EEF2KMT: variants seen among roughly 807,000 people sequenced by gnomAD.
EEF2KMT encodes protein-lysine N-methyltransferase EEF2KMT.
In EEF2KMT, 30 loss-of-function variants were observed where a neutral mutation model predicts 35.1. The observed-to-expected ratio is 0.85, with a 90% CI of 0.64 to 1.16. EEF2KMT has a LOEUF of 1.16. EEF2KMT is among the 50% of genes most tolerant of loss of function. EEF2KMT has a pLI of 0.00. For synonymous variants in EEF2KMT, 190 were observed against 187.7 expected, an observed-to-expected ratio of 1.01 and a Z score of -0.10; for missense variants, 499 against 438.2, an observed-to-expected ratio of 1.14 and a Z score of -1.24.
rs191594257 is a variant in EEF2KMT, at chr16:5,090,698, C to G, written c.343-133G>C. ...CCACTCAGCAATGAGAAGCAGCTAA[C>G]TGTTGGCATGCCAACAGCTTTCACG... On this transcript the variant is annotated intron_variant, in intron 4 of 7. Transcript: ENST00000427587. The surrounding 1 kb of genome is among the most constrained non-coding windows in gnomAD (Gnocchi z 4.1). The G allele has an allele frequency of 2.4e-6, 3 of 1,260,830 alleles. No homozygotes were observed. Among genetic ancestry groups the G allele is most frequent in the Admixed American group, 2.3e-5 (1 of 43,960 alleles). 78.1% of individuals were successfully genotyped at this position (1,260,830 alleles called of 1,614,324 possible).
At chr16:5,092,921 C>T (rs765194830) in intron 3 of EEF2KMT, among the ~76,000 whole-genome samples, 13 of 152,012 alleles carry the variant, frequency 8.6e-5, no homozygotes, top group Non-Finnish European at 1.3e-4. Context: ...GATTGTGTCA[C>T]GGTAATCCAG....
chr16:5,086,878 G>C (rs8053862), intron 7 of EEF2KMT: 1 of 152,168 alleles, frequency 6.6e-6, no homozygotes. Flanking sequence ...TGTGGGCCAG[G>C]CTGGTCTTGA....
At position 5,090,118 on chromosome 16, in the gene EEF2KMT, G is replaced by A. The variant is rs1301363907; in HGVS notation, c.708C>T (p.Leu236=). ...LDWDVATVHQ[L]SAFQPDVVIA... Reference sequence around the variant, plus strand: ...TGACAACATCTGGCTGGAAGGCAGAGAGCTGATGGACCGTCGCGACGTCCC... The same window carrying A: ...TGACAACATCTGGCTGGAAGGCAGAAAGCTGATGGACCGTCGCGACGTCCC... Residue 236 remains leucine (L), a synonymous_variant, in exon 6 of 8, where the codon CTC becomes CTT. Coordinates refer to ENST00000427587, the MANE Select transcript of EEF2KMT (RefSeq NM_201400.4). The surrounding 1 kb of genome is among the most constrained non-coding windows in gnomAD (Gnocchi z 4.1). 1 of 1,608,666 alleles carries A rather than the reference G, an allele frequency of 6.2e-7. No homozygotes were observed. The highest frequency in any genetic ancestry group is 8.5e-7 in the Non-Finnish European group (1 of 1,179,844).
chr16:5,096,809 C>T (rs4047286), intron 1 of EEF2KMT, among the ~76,000 whole-genome samples: 8 of 152,344 alleles, frequency 5.3e-5, no homozygotes, highest in African/African-American at 1.7e-4. Flanking sequence ...TGAACAATTA[C>T]AGTCAATACT....
At chr16:5,089,497 A>T (rs1957294879) in intron 6 of EEF2KMT, 2 of 612,932 alleles carry the variant, frequency 3.3e-6, no homozygotes, top group East Asian at 5.9e-5. Flanking sequence ...GGTGTTCCTT[A>T]AAAAACCAGC....
At position 5,085,672 on chromosome 16, in the gene EEF2KMT, T is replaced by C; in HGVS notation, c.953A>G (p.Glu318Gly). 1 of 1,611,900 alleles carries C rather than the reference T, an allele frequency of 6.2e-7. No homozygotes were observed. Among genetic ancestry groups the C allele is most frequent in the South Asian group, 1.1e-5 (1 of 90,990 alleles). ...CAGCATTGCCATCTCCAAGTGCTCT[T>C]CGTAGGGAAACAGTTTCTGCTCATG... is the stretch of plus-strand genomic sequence containing the variant. ...PRHEQKLFPYEEHLEMAMLNL... is the reference protein window; with the variant it reads ...PRHEQKLFPYGEHLEMAMLNL... The change falls in exon 8 of 8, where the codon GAA becomes GGA. Residue 318 changes from glutamate to glycine, a missense_variant. Physicochemically the swap from Glu to Gly is moderately conservative, Grantham distance 98. Transcript: ENST00000427587.
chr16:5,092,274 C>G (rs115921973), intron 3 of EEF2KMT, among the ~76,000 whole-genome samples: 1 of 152,102 alleles, frequency 6.6e-6, no homozygotes, highest in African/African-American at 2.4e-5. Flanking sequence ...GCCAGGTGAC[C>G]ATGATAGAGA....
chr16:5,084,324 T>C lies in EEF2KMT; in HGVS notation c.*1308A>G, dbSNP rs533883103. 2.7e-4 allele frequency: 98 copies of C among 357,226 alleles called. No individual in the cohort carries two copies. The highest frequency in any genetic ancestry group is 4.5e-4 in the Admixed American group (11 of 24,332). The allele number at this position is 357,226 out of a possible 1,614,324, so 22.1% of individuals were successfully genotyped here. On this transcript the variant is annotated 3_prime_UTR_variant, in exon 8 of 8. Transcript: ENST00000427587. ...GTGGCTTTGTTCCAATAAAACTTTA[T>C]TTACAAACACAGGCTGTGGGCTGGA...
At chr16:5,086,887 G>C (rs1162873725) in intron 7 of EEF2KMT, 9 of 152,160 alleles carry the variant, frequency 5.9e-5, no homozygotes, top group Non-Finnish European at 1.3e-4. Context: ...GGCTGGTCTT[G>C]AACTCGACCT....
Position 5,084,861 on chromosome 16 carries a change from C to T in EEF2KMT, c.*771G>A, listed in dbSNP as rs910771093. 3.8e-6 allele frequency: 6 copies of T among 1,596,160 alleles called. No homozygotes were observed. In the African/African-American group the frequency reaches 8.0e-5, roughly 21 times the overall value. ...TGAGAGCTGGGTGCAGACTGTGCTC[C>T]CTTTGGTTATGGACACATAACTCCT... On this transcript the variant is annotated 3_prime_UTR_variant, in exon 8 of 8. Transcript: ENST00000427587.
At chr16:5,091,374 G>A (rs1199774122) in intron 4 of EEF2KMT, among the ~76,000 whole-genome samples, 13 of 151,986 alleles carry the variant, frequency 8.6e-5, no homozygotes, top group Non-Finnish European at 1.8e-4. Flanking sequence ...GAGCCACCAC[G>A]CCCGGCCTGA....
chr16:5,097,582 G>A, intron 1 of EEF2KMT, 62 bp downstream of exon 1: 3 of 1,527,360 alleles, frequency 2.0e-6, no homozygotes, highest in Non-Finnish European at 2.6e-6. Context: ...ACGGAGACCC[G>A]TCCCGTCTGC....
In EEF2KMT at chr16:5,093,459, T is replaced by A. The variant is rs774896043; in HGVS notation, c.240+25A>T. On this transcript the variant is annotated intron_variant, in intron 3 of 7. Transcript: ENST00000427587. Reference sequence around the variant, plus strand: ...GCAGGTGGCTATGCTGTCCGGCTACTGGGCGGACACTGCCCATAACTGACC... The same window carrying A: ...GCAGGTGGCTATGCTGTCCGGCTACAGGGCGGACACTGCCCATAACTGACC... The A allele has an allele frequency of 2.5e-6, 4 of 1,611,888 alleles. No homozygotes were observed. In the African/African-American group the frequency reaches 5.3e-5, roughly 22 times the overall value.
At chr16:5,088,639 T>C (rs578216567) in intron 7 of EEF2KMT, among the ~76,000 whole-genome samples, 2 of 152,148 alleles carry the variant, frequency 1.3e-5, no homozygotes, top group Non-Finnish European at 2.9e-5. Context: ...CTGAGGACAG[T>C]TGCTGGCCCA....
At position 5,097,405 on chromosome 16, in the gene EEF2KMT, G is replaced by C. The variant is rs576877275; in HGVS notation, c.96+239C>G. 2.7e-6 allele frequency: 4 copies of C among 1,463,748 alleles called. No individual in the cohort carries two copies. In the African/African-American group the frequency reaches 5.7e-5, roughly 21 times the overall value. The allele number at this position is 1,463,748 out of a possible 1,614,324, so 90.7% of individuals were successfully genotyped here. A position where few individuals can be genotyped will look rare whatever the true frequency, so the allele number is the denominator to read the frequency against. On this transcript the variant is annotated intron_variant, in intron 1 of 7. Coordinates refer to ENST00000427587, the MANE Select transcript of EEF2KMT (RefSeq NM_201400.4). ...GAACTGTACCCCACACCGAGCGCGC[G>C]TCTGCCCCCCAAGGCTGTGGAGACG...
rs1368678092 is a variant in EEF2KMT, at chr16:5,097,674, C to T, written c.66G>A (p.Ala22=). The change falls in exon 1 of 8, where the codon GCG becomes GCA. Residue 22 remains alanine (A), a synonymous_variant. Transcript: ENST00000427587. The part of the protein sequence containing the change: ...LLQSFERRFL[A]ARTLRSFPWQ... ...AGGGGAAGGAGCGCAGTGTGCGTGC[C>T]GCCAGGAAGCGGCGCTCGAAACTCT... is the stretch of plus-strand genomic sequence containing the variant. 8 of 1,578,642 alleles carry T rather than the reference C, an allele frequency of 5.1e-6. No individual in the cohort carries two copies. The highest frequency in any genetic ancestry group is 6.0e-6 in the Non-Finnish European group (7 of 1,168,126).
chr16:5,089,535 T>G lies in EEF2KMT; in HGVS notation c.743-279A>C, dbSNP rs201985958. 24 of 533,390 alleles carry G rather than the reference T, an allele frequency of 4.5e-5. No homozygotes were observed. In the South Asian group the frequency reaches 4.9e-4, roughly 11 times the overall value. The allele number at this position is 533,390 out of a possible 1,614,324, so 33.0% of individuals were successfully genotyped here. On this transcript the variant is annotated intron_variant, in intron 6 of 7. Transcript: ENST00000427587. ...TGGTTCTTGGCCTATCTAGAGGGCT[T>G]TGAATGACACAAAGCCTGACCCTGC...
intron 1 of EEF2KMT, among the ~76,000 whole-genome samples, chr16:5,096,836 T>A (rs1432905924): frequency 6.6e-6 from 1 of 152,260 alleles, no homozygotes. Flanking sequence ...AGACCTATGA[T>A]GCTTTTATGA....
Position 5,090,133 on chromosome 16 carries a change from C to A in EEF2KMT, c.693G>T (p.Ala231=), listed in dbSNP as rs139885048. ...GGAAGGCAGAGAGCTGATGGACCGT[C>A]GCGACGTCCCAGTCCAGCTGGGCCA... is the stretch of plus-strand genomic sequence containing the variant. ...VTVAQLDWDV[A]TVHQLSAFQP... The change falls in exon 6 of 8, where the codon GCG becomes GCT. Residue 231 remains alanine, a synonymous_variant. Coordinates refer to ENST00000427587, the MANE Select transcript of EEF2KMT (RefSeq NM_201400.4). This position sits in a 1 kb window ranked among gnomAD's most constrained non-coding sequence, Gnocchi z 4.1. 4 of 1,609,850 alleles carry A rather than the reference C, an allele frequency of 2.5e-6. No homozygotes were observed. In the South Asian group the frequency reaches 4.4e-5, roughly 18 times the overall value.
Sources: allele counts gnomAD v4.1 joint callset (sites outside exome capture counted in the v4.1 genomes callset), GRCh38; gene constraint gnomAD v4.1.1; non-coding constraint Gnocchi (gnomAD v3.1); transcripts MANE v1.5; gene names NCBI Gene and HGNC (gene_info 2026-07-23, HGNC 2026-07-21).